The following AP1S3 variants were observed in gnomAD, a reference collection of about 807,000 sequenced individuals.
AP1S3 encodes the protein adaptor related protein complex 1 subunit sigma 3, also known as AP-1 complex subunit sigma-3.
In AP1S3, 10 loss-of-function variants were observed where a neutral mutation model predicts 20.9. That is an observed-to-expected ratio of 0.48 (90% CI 0.29 to 0.81). AP1S3 has a LOEUF of 0.81. Ranked by LOEUF, AP1S3 falls within the 30% of genes least tolerant of loss-of-function variation. The pLI is 0.08. For missense variants in AP1S3, 154 were observed against 183.8 expected (o/e 0.84, Z 0.94); for synonymous variants, 41 against 61.5 (o/e 0.67, Z 1.56).
intron 1 of AP1S3, among the ~76,000 whole-genome samples, chr2:223,829,414 G>T (rs1215194793): frequency 3.3e-5 from 5 of 152,092 alleles, no homozygotes; most frequent in Non-Finnish European, 7.3e-5. Context: ...ATCACCTGAG[G>T]TCAGGAGTTC....
intron 1 of AP1S3, among the ~76,000 whole-genome samples, chr2:223,787,064 T>C (rs190514350): frequency 1.2e-4 from 19 of 152,312 alleles, no homozygotes; most frequent in African/African-American, 4.3e-4. Context: ...ATCTCCTTGA[T>C]GCTGTTCTCA....
intron 1 of AP1S3, among the ~76,000 whole-genome samples, chr2:223,811,714 G>C (rs1182666844): frequency 1.3e-5 from 2 of 152,112 alleles, no homozygotes; most frequent in Non-Finnish European, 2.9e-5. Flanking sequence ...TTTGAGACTT[G>C]GGAGTTGTAT....
At chr2:223,764,103 G>T (rs1349380535) in intron 4 of AP1S3, among the ~76,000 whole-genome samples, 1 of 152,114 alleles carries the variant, frequency 6.6e-6, no homozygotes, top group African/African-American at 2.4e-5. Flanking sequence ...GTTGTTAGTA[G>T]AGATGGGGTT....
intron 1 of AP1S3, among the ~76,000 whole-genome samples, chr2:223,821,533 G>A (rs191615561): frequency 5.6e-4 from 86 of 152,310 alleles, no homozygotes; most frequent in Admixed American, 2.1e-3. Context: ...AAGCAAAATA[G>A]TAGTGCTGTG....
intron 1 of AP1S3, among the ~76,000 whole-genome samples, chr2:223,781,729 A>G (rs1432006510): frequency 6.6e-6 from 1 of 152,178 alleles, no homozygotes; most frequent in East Asian, 1.9e-4. Context: ...ATAGGAACAC[A>G]AAGAATAGGG....
intron 3 of AP1S3, chr2:223,773,388 GA>G (rs1332127238): frequency 2.3e-6 from 3 of 1,296,734 alleles, no homozygotes; most frequent in African/African-American, 3.1e-5. Context: ...AAAAATGTGA[GA>G]ATTCATTTGA....
chr2:223,765,169 C>G, intron 4 of AP1S3, 44 bp downstream of exon 4: 1 of 1,606,596 alleles, frequency 6.2e-7, no homozygotes, highest in Non-Finnish European at 8.5e-7. Flanking sequence ...CCATCATCAT[C>G]ATCATCATCA....
chr2:223,836,141 T>G lies in AP1S3; in HGVS notation c.3+1307A>C, dbSNP rs115007826. The stretch of plus-strand genomic sequence containing the variant: ...CGGCTCTCTTTGTTGATCAACTTTC[T>G]TAGCCCACGTGGCCCACCCACTCCT... On this transcript the variant is annotated intron_variant, in intron 1 of 4. Transcript: ENST00000396654. Among the ~76,000 whole-genome samples, 1,379 of 152,292 alleles carry G rather than the reference T, an allele frequency of 9.1e-3. 36 individuals are homozygous for G. Among genetic ancestry groups the G allele is most frequent in the African/African-American group, 0.031 (1,303 of 41,564 alleles).
intron 1 of AP1S3, among the ~76,000 whole-genome samples, chr2:223,821,554 A>T (rs1441030619): frequency 4.6e-5 from 7 of 152,208 alleles, no homozygotes; most frequent in Non-Finnish European, 1.0e-4. Flanking sequence ...CTGCTTCTCC[A>T]CTTGATCTCA....
At position 223,756,687 on chromosome 2, in the gene AP1S3, A is replaced by G; in HGVS notation, c.*2028T>C. Reference sequence around the variant, plus strand: ...TAATCTGAGTTATTTCCTTTGAACAATGGTTATATTGAGGAATTGGTGAAT... The same window carrying G: ...TAATCTGAGTTATTTCCTTTGAACAGTGGTTATATTGAGGAATTGGTGAAT... On this transcript the variant is annotated 3_prime_UTR_variant, in exon 5 of 5. Coordinates refer to ENST00000396654, the MANE Select transcript of AP1S3 (RefSeq NM_001039569.2). The G allele has an allele frequency of 1.0e-6, 1 of 985,334 alleles. No homozygotes were observed. The highest frequency in any genetic ancestry group is 1.2e-6 in the Non-Finnish European group (1 of 829,888). The allele number at this position is 985,334 out of a possible 1,614,324, so 61.0% of individuals were successfully genotyped here. A position where few individuals can be genotyped will look rare whatever the true frequency, so the allele number is the denominator to read the frequency against.
intron 1 of AP1S3, among the ~76,000 whole-genome samples, chr2:223,814,096 T>C (rs1691793592): frequency 6.6e-6 from 1 of 152,216 alleles, no homozygotes; most frequent in African/African-American, 2.4e-5. Context: ...CCCCAATATT[T>C]ATAACCTTGT....
At chr2:223,776,566 T>C (rs950924027) in intron 2 of AP1S3, among the ~76,000 whole-genome samples, 2 of 152,176 alleles carry the variant, frequency 1.3e-5, no homozygotes, top group Non-Finnish European at 2.9e-5. Context: ...TAAACACCCT[T>C]TGCAAGAGCA....
At chr2:223,766,970 G>A (rs960989899) in intron 3 of AP1S3, among the ~76,000 whole-genome samples, 2 of 151,872 alleles carry the variant, frequency 1.3e-5, no homozygotes, top group Admixed American at 6.6e-5. Context: ...AACCAAACAC[G>A]GCATGTTCTC....
chr2:223,778,340 G>C (rs1475701533), intron 1 of AP1S3, among the ~76,000 whole-genome samples: 1 of 151,968 alleles, frequency 6.6e-6, no homozygotes, highest in African/African-American at 2.4e-5. Flanking sequence ...TGGCCAGGCT[G>C]GTCTCGAACT....
Position 223,777,744 on chromosome 2 carries a change from A to G in AP1S3, c.129T>C (p.Gly43=), listed in dbSNP as rs751866270. ...AGTCAACAAAACTGCTTGTCCTGTG[A>G]CCACGGGAGAGAATAATCTGAACAA... The part of the protein sequence containing the change: ...REIVQIILSR[G]HRTSSFVDWK... The change falls in exon 2 of 5, where the codon GGT becomes GGC. Residue 43 remains glycine, a synonymous_variant. Coordinates refer to ENST00000396654, the MANE Select transcript of AP1S3 (RefSeq NM_001039569.2). The G allele has an allele frequency of 3.7e-6, 6 of 1,614,046 alleles. No individual in the cohort carries two copies. The highest frequency in any genetic ancestry group is 3.3e-5 in the Admixed American group (2 of 60,004).
intron 1 of AP1S3, among the ~76,000 whole-genome samples, chr2:223,781,366 A>G (rs191199554): frequency 6.6e-6 from 1 of 152,270 alleles, no homozygotes; most frequent in East Asian, 1.9e-4. Context: ...TTTAAAAAAA[A>G]TCACCTTCAG....
At chr2:223,821,142 TTATC>T (rs1281439149) in intron 1 of AP1S3, among the ~76,000 whole-genome samples, 1 of 152,176 alleles carries the variant, frequency 6.6e-6, no homozygotes, top group Non-Finnish European at 1.5e-5. Context: ...TTAACTTTAT[TTATC>T]TATCTATTTA....
At chr2:223,825,051 T>C (rs1336835348) in intron 1 of AP1S3, among the ~76,000 whole-genome samples, 1 of 151,858 alleles carries the variant, frequency 6.6e-6, no homozygotes, top group African/African-American at 2.4e-5. Context: ...GGCTCACGCC[T>C]GTAATCACAG....
chr2:223,778,706 TTTTC>T (rs1690850895), intron 1 of AP1S3, among the ~76,000 whole-genome samples: 1 of 151,410 alleles, frequency 6.6e-6, no homozygotes, highest in African/African-American at 2.4e-5. Context: ...AGCTTTTTTT[TTTTC>T]TTTTGAGACA....
Sources: gnomAD v4.1 joint callset for allele counts (sites outside exome capture counted in the v4.1 genomes callset) on GRCh38, gnomAD v4.1.1 for gene constraint, MANE v1.5 for transcripts, NCBI Gene and HGNC (gene_info 2026-07-23, HGNC 2026-07-21) for gene names.